Variants in SEC14L5 observed in about 807,000 individuals in gnomAD.
SEC14L5 encodes the protein SEC14 like lipid binding 5, also known as SEC14-like protein 5.
A neutral mutation model predicts 84.6 loss-of-function variants in SEC14L5; 96 were observed. The observed-to-expected ratio is 1.13, with a 90% CI of 0.96 to 1.34. The LOEUF (loss-of-function observed/expected upper bound fraction) is 1.34, where lower values mean the gene tolerates loss of function less well. Among genes scored for constraint, SEC14L5 ranks in the 40% most tolerant of loss-of-function variants. The pLI is 0.00. For missense variants in SEC14L5, 1,224 were observed against 942.5 expected, an observed-to-expected ratio of 1.30 and a Z score of -3.91; for synonymous variants, 546 against 383.4, an observed-to-expected ratio of 1.42 and a Z score of -4.95.
chr16:4,995,327 C>T (rs950173715), intron 6 of SEC14L5, among the ~76,000 whole-genome samples: 5 of 152,180 alleles, frequency 3.3e-5, no homozygotes, highest in African/African-American at 9.7e-5. Flanking sequence ...GGGGCCTGGC[C>T]TCTGCACACT....
intron 14 of SEC14L5, among the ~76,000 whole-genome samples, chr16:5,009,069 G>A (rs1384485324): frequency 1.3e-5 from 2 of 152,188 alleles, no homozygotes; most frequent in Non-Finnish European, 2.9e-5. Context: ...CCAAAACCAA[G>A]GTGTTGGCAG....
intron 2 of SEC14L5, among the ~76,000 whole-genome samples, chr16:4,978,436 AG>A (rs1955376206): frequency 1.6e-5 from 2 of 124,536 alleles, no homozygotes; most frequent in East Asian, 2.4e-4. Flanking sequence ...AGGAAAAAAA[AG>A]AAACAAGATC....
intron 2 of SEC14L5, among the ~76,000 whole-genome samples, chr16:4,979,178 G>C (rs1239601188): frequency 6.6e-6 from 1 of 152,214 alleles, no homozygotes; most frequent in Non-Finnish European, 1.5e-5. Context: ...GGGAGGGTCA[G>C]AAATGGGTTG....
rs76355305 is a variant in SEC14L5, at chr16:4,970,089, G to A, written c.63+10703G>A. On this transcript the variant is annotated intron_variant, in intron 2 of 15. Coordinates refer to ENST00000251170, the MANE Select transcript of SEC14L5 (RefSeq NM_014692.2). ...TGCCTCTCAAAGTGTTGGGATCACA[G>A]GCGTGAGCCACTGCACCTGGCCCAT... 7.2e-4 allele frequency among the ~76,000 whole-genome samples: 109 copies of A among 152,340 alleles called. 1 individual carries two copies. Among genetic ancestry groups the A allele is most frequent in the African/African-American group, 2.4e-3 (99 of 41,574 alleles).
intron 6 of SEC14L5, among the ~76,000 whole-genome samples, chr16:4,995,668 C>G (rs1479591145): frequency 6.7e-6 from 1 of 149,762 alleles, no homozygotes; most frequent in Non-Finnish European, 1.5e-5. Flanking sequence ...ACTCTGTTGC[C>G]CAGGCTGGAG....
chr16:4,996,800 A>G (rs1245042798), intron 7 of SEC14L5, 55 bp from the exon 8 acceptor site: 2 of 1,397,146 alleles, frequency 1.4e-6, no homozygotes, highest in South Asian at 1.3e-5. Context: ...CTGTAATTTT[A>G]TCTGCTGGGT....
rs1289950219 is a variant in SEC14L5 at position 4,990,765 on chromosome 16, A to G, written c.346-2A>G. 1 of 1,605,342 alleles carries G rather than the reference A, an allele frequency of 6.2e-7. No individual in the cohort carries two copies. Among genetic ancestry groups the G allele is most frequent in the Admixed American group, 1.7e-5 (1 of 58,980 alleles). ...CTGGCATGACCCCTGCCTGGCTTTC[A>G]GGTCCACCCTGAGAATGAAGACTGG... On this transcript the variant is annotated splice_acceptor_variant, in intron 4 of 15. Transcript: ENST00000251170. LOFTEE classifies it high-confidence loss of function.
chr16:5,009,683 C>G lies in SEC14L5; in HGVS notation c.1800+1035C>G, dbSNP rs150497292. On this transcript the variant is annotated intron_variant, in intron 14 of 15. Coordinates refer to ENST00000251170, the MANE Select transcript of SEC14L5 (RefSeq NM_014692.2). ...CCAGATAAGGTCACGTTCTGAGGTT[C>G]TGGCTGGACATGAATTTTGGGGGTA... Among the ~76,000 whole-genome samples, 47 of 152,222 alleles carry G rather than the reference C, an allele frequency of 3.1e-4. 1 individual carries two copies. In the East Asian group the frequency reaches 9.1e-3, roughly 30 times the overall value.
intron 11 of SEC14L5, 104 bp from the exon 12 acceptor site, chr16:5,005,810 G>T (rs1596641944): frequency 8.6e-7 from 1 of 1,161,264 alleles, no homozygotes; most frequent in Admixed American, 3.0e-5. Context: ...CTTGCAGTGA[G>T]CCAAGATCAT....
chr16:4,983,438 TATTCTA>T (rs1955447853), intron 2 of SEC14L5, among the ~76,000 whole-genome samples: 1 of 145,016 alleles, frequency 6.9e-6, no homozygotes, highest in African/African-American at 2.6e-5. Flanking sequence ...TATTTATTTA[TATTCTA>T]TCTATGTTTA....
chr16:5,007,313 A>C (rs1374207117), intron 12 of SEC14L5, 39 bp from the exon 13 acceptor site: 10 of 1,602,198 alleles, frequency 6.2e-6, no homozygotes, highest in Non-Finnish European at 8.5e-6. Flanking sequence ...CCAGGCCTCA[A>C]CTGGCCCTGA....
chr16:4,986,999 T>C (rs979622290), intron 2 of SEC14L5, among the ~76,000 whole-genome samples: 4 of 152,182 alleles, frequency 2.6e-5, no homozygotes, highest in Admixed American at 2.6e-4. Flanking sequence ...TTTTACTTCT[T>C]CCTTTCCAAC....
chr16:4,992,059 C>G, intron 6 of SEC14L5, 29 bp downstream of exon 6: 1 of 1,447,966 alleles, frequency 6.9e-7, no homozygotes, highest in East Asian at 2.5e-5. Context: ...GCCAGTCAGC[C>G]CTAGGAGGCT....
chr16:4,959,453 T>C, intron 2 of SEC14L5, 67 bp downstream of exon 2: 2 of 1,359,932 alleles, frequency 1.5e-6, no homozygotes, highest in Non-Finnish European at 2.1e-6. Flanking sequence ...GCTATGGCGG[T>C]AGGAAGACGG....
intron 2 of SEC14L5, among the ~76,000 whole-genome samples, chr16:4,975,504 G>C (rs911403042): frequency 7.3e-6 from 1 of 137,820 alleles, no homozygotes; most frequent in Non-Finnish European, 1.6e-5. Flanking sequence ...ACATTATTTT[G>C]TTCCTTTTTA....
intron 2 of SEC14L5, among the ~76,000 whole-genome samples, chr16:4,966,907 C>T (rs936344204): frequency 6.6e-6 from 1 of 152,228 alleles, no homozygotes; most frequent in Non-Finnish European, 1.5e-5. Context: ...CAGCCCAAGC[C>T]TGCAGGCCCT....
In SEC14L5 at chr16:5,014,871, C is replaced by T; in HGVS notation, c.1992C>T (p.Ser664=). The T allele has an allele frequency of 1.2e-6, 2 of 1,613,696 alleles. No individual in the cohort carries two copies. The highest frequency in any genetic ancestry group is 1.7e-6 in the Non-Finnish European group (2 of 1,179,786). ...LASEDFRGSM[S]SLESCTSGFS... The stretch of plus-strand genomic sequence containing the variant: ...CCTTCCTCCCCAGGGGCTCCATGTC[C>T]AGCCTGGAATCCTGCACCAGCGGCT... Residue 664 remains serine (S), a synonymous_variant, in exon 16 of 16, where the codon TCC becomes TCT. Transcript: ENST00000251170.
At chr16:4,979,979 G>A (rs907826149) in intron 2 of SEC14L5, among the ~76,000 whole-genome samples, 12 of 152,196 alleles carry the variant, frequency 7.9e-5, no homozygotes, top group South Asian at 4.1e-4. Flanking sequence ...TGCTTGTGAC[G>A]TAGCCAGAGA....
At position 5,008,641 on chromosome 16, in the gene SEC14L5, G is replaced by A; in HGVS notation, c.1793G>A (p.Ser598Asn). Reference sequence around the variant, plus strand: ...CCCCTTGTCTGCCGGGAGGGGGAGAGCATCCAGGTTTGCATTTTCTGGACC... The same window carrying A: ...CCCCTTGTCTGCCGGGAGGGGGAGAACATCCAGGTTTGCATTTTCTGGACC... The part of the protein sequence containing the change: ...EAPLVCREGE[S>N]IQGSHVTRWP... The change falls in exon 14 of 16, where the codon AGC (serine) becomes AAC (asparagine). Residue 598 changes from serine (S) to asparagine (N), a missense_variant. Physicochemically the swap from Ser to Asn is conservative, Grantham distance 46. Coordinates refer to ENST00000251170, the MANE Select transcript of SEC14L5 (RefSeq NM_014692.2). The A allele has an allele frequency of 6.2e-7, 1 of 1,607,518 alleles. No homozygotes were observed. The highest frequency in any genetic ancestry group is 8.5e-7 in the Non-Finnish European group (1 of 1,178,196).
Sources: gnomAD v4.1 joint callset for allele counts (sites outside exome capture counted in the v4.1 genomes callset) on GRCh38, gnomAD v4.1.1 for gene constraint, MANE v1.5 for transcripts, NCBI Gene and HGNC (gene_info 2026-07-23, HGNC 2026-07-21) for gene names.